RCC1: variants seen among roughly 807,000 people sequenced by gnomAD.
RCC1 encodes the protein regulator of chromosome condensation 1, also known as regulator of chromosome condensation.
A neutral mutation model predicts 44.4 loss-of-function variants in RCC1; 11 were observed. The ratio of observed to expected loss-of-function variants is 0.25; its 90% CI spans 0.16 to 0.41. RCC1 has a LOEUF of 0.41. Among genes scored for constraint, RCC1 ranks in the 10% least tolerant of loss-of-function variants. The probability of loss-of-function intolerance (pLI) is 1.00; values close to 1 mark genes in which losing one functional copy is unlikely to be tolerated. For missense variants in RCC1, 386 were observed against 547.1 expected (o/e 0.71, Z 2.94); for synonymous variants, 213 against 216.5 (o/e 0.98, Z 0.14).
At chr1:28,506,254 T>A (rs1197849902) in intron 1 of RCC1, 170 bp downstream of exon 1, 5 of 447,672 alleles carry the variant, frequency 1.1e-5, no homozygotes, top group Non-Finnish European at 2.2e-5. Flanking sequence ...TGGACTGCAG[T>A]GCTCGTTGCA....
intron 3 of RCC1, among the ~76,000 whole-genome samples, chr1:28,515,874 C>T (rs1189909112): frequency 2.0e-5 from 3 of 151,956 alleles, no homozygotes; most frequent in Non-Finnish European, 4.4e-5. Context: ...TGGTGAAACC[C>T]GGTCTCTACT....
At chr1:28,507,132 C>T (rs558607158) in intron 1 of RCC1, 1 of 265,584 alleles carries the variant, frequency 3.8e-6, no homozygotes, top group East Asian at 9.4e-5. Context: ...GATAGCTGGG[C>T]CTAATTGTTG....
intron 3 of RCC1, among the ~76,000 whole-genome samples, chr1:28,515,319 G>C (rs1358470452): frequency 6.6e-6 from 1 of 151,986 alleles, no homozygotes; most frequent in Non-Finnish European, 1.5e-5. Flanking sequence ...GCATGGTGGT[G>C]CACATCTGTG....
chr1:28,510,310 C>CA (rs1205295041), intron 3 of RCC1: 1 of 152,218 alleles, frequency 6.6e-6, no homozygotes, highest in Non-Finnish European at 1.5e-5. Flanking sequence ...ATTTTTCTTA[C>CA]AAGCTAAGAG....
At chr1:28,518,855 T>A (rs888018790) in intron 4 of RCC1, 8 of 152,218 alleles carry the variant, frequency 5.3e-5, no homozygotes, top group African/African-American at 1.9e-4. Flanking sequence ...TTGCTGGCCA[T>A]TTATTGCGTC....
At chr1:28,507,302 G>A (rs990922880) in intron 1 of RCC1, 6 of 508,492 alleles carry the variant, frequency 1.2e-5, no homozygotes, top group African/African-American at 1.9e-5. Flanking sequence ...AAGATCTGTA[G>A]TAACATGAAT....
chr1:28,510,940 G>GT (rs1386638502), intron 3 of RCC1: 1 of 152,224 alleles, frequency 6.6e-6, no homozygotes, highest in Admixed American at 6.5e-5. Context: ...GTGGGTTTGG[G>GT]TAACTGCAGT....
chr1:28,535,470 C>G, intron 9 of RCC1, 90 bp downstream of exon 9: 1 of 1,578,238 alleles, frequency 6.3e-7, no homozygotes, highest in South Asian at 1.2e-5. Context: ...TGTGGTCAGG[C>G]TTGCATCAGA....
intron 1 of RCC1, chr1:28,507,588 C>G (rs1662092939): frequency 2.0e-6 from 1 of 497,872 alleles, no homozygotes; most frequent in South Asian, 1.4e-5. Context: ...AGCACTGAAT[C>G]TGGATTGAAG....
At chr1:28,522,472 C>A (rs1663345886) in intron 4 of RCC1, among the ~76,000 whole-genome samples, 1 of 151,950 alleles carries the variant, frequency 6.6e-6, no homozygotes, top group South Asian at 2.1e-4. Flanking sequence ...ACTAAGGAGT[C>A]CAAGCAGGCC....
chr1:28,527,146 C>T, intron 4 of RCC1: 1 of 1,274,748 alleles, frequency 7.8e-7, no homozygotes. Flanking sequence ...CTGAGGGCTG[C>T]AGTGGCAGAA....
chr1:28,506,507 A>C (rs950299586), intron 1 of RCC1: 7 of 281,140 alleles, frequency 2.5e-5, no homozygotes, highest in Non-Finnish European at 4.9e-5. Flanking sequence ...ATTTAAAACT[A>C]TATATGGGTG....
chr1:28,519,137 C>CA (rs1251103290), intron 4 of RCC1, among the ~76,000 whole-genome samples: 1 of 152,132 alleles, frequency 6.6e-6, no homozygotes, highest in Non-Finnish European at 1.5e-5. Flanking sequence ...TTTGAAGGAA[C>CA]AGAGTTTTTC....
At chr1:28,526,146 A>G (rs564458867) in intron 4 of RCC1, among the ~76,000 whole-genome samples, 6 of 152,236 alleles carry the variant, frequency 3.9e-5, no homozygotes, top group South Asian at 4.1e-4. Flanking sequence ...TTAGCTGGAC[A>G]CTGTGATGCG....
chr1:28,510,737 C>T (rs564676664), intron 3 of RCC1: 1 of 152,408 alleles, frequency 6.6e-6, no homozygotes, highest in South Asian at 2.1e-4. Flanking sequence ...TGTCCAAGTC[C>T]ACAACTAGAA....
At chr1:28,506,514 G>A (rs957784065) in intron 1 of RCC1, 1 of 272,962 alleles carries the variant, frequency 3.7e-6, no homozygotes, top group Non-Finnish European at 7.2e-6. Flanking sequence ...ACTATATATG[G>A]GTGTCTTAGG....
chr1:28,512,286 C>T (rs1027102287), intron 3 of RCC1, among the ~76,000 whole-genome samples: 1 of 141,244 alleles, frequency 7.1e-6, no homozygotes, highest in African/African-American at 2.8e-5. Flanking sequence ...CCCTAAGGAT[C>T]CACAATGGCC....
At chr1:28,508,098 GTAC>G in intron 1 of RCC1, 27 bp from the exon 2 acceptor site, 1 of 441,292 alleles carries the variant, frequency 2.3e-6, no homozygotes, top group Admixed American at 2.4e-5. Flanking sequence ...GGGTTTTGCT[GTAC>G]TAATAGATTA....
chr1:28,536,043 G>A lies in RCC1; in HGVS notation c.817+17G>A. The A allele has an allele frequency of 6.3e-7, 1 of 1,596,334 alleles. No individual in the cohort carries two copies. Among genetic ancestry groups the A allele is most frequent in the Non-Finnish European group, 8.6e-7 (1 of 1,169,588 alleles). ...ATCAGCTTGGTGAGCCCCGAGCCCA[G>A]CTTCAGGCATGACCCAGTGGCCTGC... On this transcript the variant is annotated intron_variant, in intron 10 of 12. Coordinates refer to ENST00000683442, the MANE Select transcript of RCC1 (RefSeq NM_001381865.2). The surrounding 1 kb of genome is among the most constrained non-coding windows in gnomAD (Gnocchi z 4.9).
Sources: allele counts gnomAD v4.1 joint callset (sites outside exome capture counted in the v4.1 genomes callset), GRCh38; gene constraint gnomAD v4.1.1; non-coding constraint Gnocchi (gnomAD v3.1); transcripts MANE v1.5; gene names NCBI Gene and HGNC (gene_info 2026-07-23, HGNC 2026-07-21).